The following TAAR8 variants were observed in gnomAD, a reference collection of about 807,000 sequenced individuals.
TAAR8 encodes the protein trace amine associated receptor 8, also known as trace amine-associated receptor 8.
For synonymous variants in TAAR8, 157 were observed against 152.7 expected (o/e 1.03, Z -0.21); for missense variants, 459 against 405.8 (o/e 1.13, Z -1.13).
chr6:132,553,442 G>C (rs1443698874), exon 1 of TAAR8: 1 of 1,614,012 alleles, frequency 6.2e-7, no homozygotes, highest in Admixed American at 1.7e-5. Flanking sequence ...GAGTGGCCAA[G>C]AGAGAGAGGA....
At chr6:132,553,403 A>G in exon 1 of TAAR8, 1 of 1,614,222 alleles carries the variant, frequency 6.2e-7, no homozygotes, top group South Asian at 1.1e-5. Context: ...GTAGCAAAGT[A>G]GAATCATCCT....
exon 1 of TAAR8, chr6:132,552,950 T>C (rs1315564989): frequency 6.2e-7 from 1 of 1,614,242 alleles, no homozygotes; most frequent in Admixed American, 1.7e-5. Context: ...CTGTGATGCT[T>C]TTCAGCATGG....
At chr6:132,553,201 G>A (rs754187443) in exon 1 of TAAR8, 2 of 1,614,170 alleles carry the variant, frequency 1.2e-6, no homozygotes, top group African/African-American at 1.3e-5. Flanking sequence ...TTCTACACAG[G>A]TGTCAATGAT....
chr6:132,553,309 T>TG lies in TAAR8; in HGVS notation c.617_618insG (p.Phe206LeufsTer13), dbSNP rs764847735. On this transcript the variant is annotated frameshift_variant, in exon 1 of 1. Transcript: ENST00000275200. LOFTEE classifies it low-confidence loss of function (END_TRUNC). ...GTGTTGATAGATTTTCTGTTATTCT[T>TG]CATACCTACCCTTGTTATGATAATT... The TG allele has an allele frequency of 1.9e-6, 3 of 1,614,088 alleles. No individual in the cohort carries two copies. In the African/African-American group the frequency reaches 4.0e-5, roughly 22 times the overall value.
chr6:132,553,611 C>G (rs1776413188), exon 1 of TAAR8: 1 of 1,613,852 alleles, frequency 6.2e-7, no homozygotes. Context: ...AGCCATGAAT[C>G]CTTTGATTTA....
chr6:132,553,594 A>G lies in TAAR8; in HGVS notation c.902A>G (p.Tyr301Cys), dbSNP rs377112565. The change falls in exon 1 of 1, where the codon TAT becomes TGT. Residue 301 changes from tyrosine to cysteine, a missense_variant. Transcript: ENST00000275200. ...GAAATTTGCTGTTGGAGTGCTTATTATAACTCAGCCATGAATCCTTTGATT... is the reference window on the plus strand; with the variant it reads ...GAAATTTGCTGTTGGAGTGCTTATTGTAACTCAGCCATGAATCCTTTGATT... 17 of 1,613,946 alleles carry G rather than the reference A, an allele frequency of 1.1e-5. No individual in the cohort carries two copies. The highest frequency in any genetic ancestry group is 3.3e-5 in the Admixed American group (2 of 59,990).
At chr6:132,553,489 T>A (rs1314525411) in exon 1 of TAAR8, 1 of 1,614,036 alleles carries the variant, frequency 6.2e-7, no homozygotes, top group South Asian at 1.1e-5. Flanking sequence ...GTACTAGCAT[T>A]TGTTATTTCA....
chr6:132,553,588 C>T lies in TAAR8; in HGVS notation c.896C>T (p.Ala299Val), dbSNP rs374665576. ...ATCTATGAAATTTGCTGTTGGAGTG[C>T]TTATTATAACTCAGCCATGAATCCT... is the stretch of plus-strand genomic sequence containing the variant. Residue 299 changes from alanine (A) to valine (V), a missense_variant, in exon 1 of 1, where the codon GCT (alanine) becomes GTT (valine). Transcript: ENST00000275200. 6 of 1,613,984 alleles carry T rather than the reference C, an allele frequency of 3.7e-6. No individual in the cohort carries two copies. The African/African-American group carries it at 8.0e-5, about 22-fold the overall frequency.
chr6:132,553,345 A>T (rs1776409035), exon 1 of TAAR8: 2 of 1,613,926 alleles, frequency 1.2e-6, no homozygotes, highest in African/African-American at 2.7e-5. Context: ...CTTTACAGTA[A>T]GATTTTTCTT....
At chr6:132,553,592 T>C in exon 1 of TAAR8, 1 of 1,614,136 alleles carries the variant, frequency 6.2e-7, no homozygotes. Context: ...GGAGTGCTTA[T>C]TATAACTCAG....
chr6:132,553,429 T>A (rs1238516875), exon 1 of TAAR8: 1 of 1,614,122 alleles, frequency 6.2e-7, no homozygotes, highest in Non-Finnish European at 8.5e-7. Flanking sequence ...AGTTATAAAA[T>A]CAGAGTGGCC....
chr6:132,552,844 T>TAGA (rs1776400283), exon 1 of TAAR8: 1 of 1,614,106 alleles, frequency 6.2e-7, no homozygotes, highest in Non-Finnish European at 8.5e-7. Flanking sequence ...GGAAATCTCT[T>TAGA]AGTAATGACT....
exon 1 of TAAR8, chr6:132,552,942 G>C: frequency 4.3e-6 from 7 of 1,614,196 alleles, no homozygotes; most frequent in Non-Finnish European, 5.9e-6. Flanking sequence ...AGGTGTGACT[G>C]TGATGCTTTT....
At chr6:132,552,758 T>C in exon 1 of TAAR8, 1 of 1,614,222 alleles carries the variant, frequency 6.2e-7, no homozygotes, top group East Asian at 2.2e-5. Context: ...GATCTTGTAT[T>C]GAAACTCCCT....
rs760019974 is a variant in TAAR8 at position 132,553,507 on chromosome 6, C to T, written c.815C>T (p.Pro272Leu). ...CTAGCATTTGTTATTTCATGGTTAC[C>T]GTATACAGTTGATATATTAATTGAT... The change falls in exon 1 of 1, where the codon CCG becomes CTG. Residue 272 changes from proline (P) to leucine (L), a missense_variant. By Grantham distance (98) the Pro-to-Leu change is moderately conservative. Coordinates refer to ENST00000275200, the Ensembl canonical transcript of TAAR8. The T allele has an allele frequency of 1.1e-5, 18 of 1,613,806 alleles. No individual in the cohort carries two copies. Among genetic ancestry groups the T allele is most frequent in the Middle Eastern group, 1.6e-4 (1 of 6,080 alleles).
At chr6:132,553,176 T>G in exon 1 of TAAR8, 1 of 1,614,160 alleles carries the variant, frequency 6.2e-7, no homozygotes, top group Non-Finnish European at 8.5e-7. Context: ...GCCTCTCACG[T>G]ACAGCGGTGC....
chr6:132,553,280 C>A, exon 1 of TAAR8: 1 of 1,614,108 alleles, frequency 6.2e-7, no homozygotes. Flanking sequence ...TAAGTCAAGG[C>A]TGGGTGTTGA....
exon 1 of TAAR8, chr6:132,553,324 T>C (rs187426282): frequency 6.2e-7 from 1 of 1,614,148 alleles, no homozygotes; most frequent in East Asian, 2.2e-5. Context: ...CCTACCCTTG[T>C]TATGATAATT....
At chr6:132,553,336 T>G in exon 1 of TAAR8, 1 of 1,614,038 alleles carries the variant, frequency 6.2e-7, no homozygotes, top group Non-Finnish European at 8.5e-7. Context: ...ATGATAATTC[T>G]TTACAGTAAG....
Sources: gnomAD v4.1 joint callset for allele counts on GRCh38, gnomAD v4.1.1 for gene constraint, MANE v1.5 for transcripts, NCBI Gene and HGNC (gene_info 2026-07-23, HGNC 2026-07-21) for gene names.